Variants in TRAPPC3L observed in about 807,000 individuals in gnomAD.
The protein encoded by TRAPPC3L is trafficking protein particle complex subunit 3-like protein.
TRAPPC3L carries 23 observed loss-of-function variants against 23.7 expected under a neutral mutation model. The ratio of observed to expected loss-of-function variants is 0.97; its 90% CI spans 0.70 to 1.37. TRAPPC3L has a LOEUF of 1.37. Ranked by LOEUF, TRAPPC3L falls within the 40% of genes most tolerant of loss-of-function variation. TRAPPC3L has a pLI of 0.00. For missense variants in TRAPPC3L, 212 were observed against 216.8 expected, an observed-to-expected ratio of 0.98 and a Z score of 0.14; for synonymous variants, 81 against 77.9, an observed-to-expected ratio of 1.04 and a Z score of -0.21.
chr6:116,519,382 G>A (rs1234207321), intron 3 of TRAPPC3L: 1 of 152,212 alleles, frequency 6.6e-6, no homozygotes, highest in Admixed American at 6.5e-5. Context: ...AGTGTGCTCT[G>A]GGGCTTCCAT....
At chr6:116,510,470 T>C (rs1469057782) in intron 3 of TRAPPC3L, among the ~76,000 whole-genome samples, 1 of 151,790 alleles carries the variant, frequency 6.6e-6, no homozygotes, top group African/African-American at 2.4e-5. Flanking sequence ...TATTTTTTTG[T>C]AGAGAGGGAG....
chr6:116,503,975 GA>G (rs569464618), intron 3 of TRAPPC3L, among the ~76,000 whole-genome samples: 56 of 152,228 alleles, frequency 3.7e-4, no homozygotes, highest in African/African-American at 1.2e-3. Flanking sequence ...AGAGAAGCAA[GA>G]GCAAAGAAAC....
rs543320583 is a variant in TRAPPC3L, at chr6:116,495,332, A to C, written c.*1622T>G. The C allele has an allele frequency of 7.9e-5, 12 of 152,212 alleles. No individual in the cohort carries two copies. The highest frequency in any genetic ancestry group is 2.9e-4 in the African/African-American group (12 of 41,530). 9.4% of individuals were successfully genotyped at this position (152,212 alleles called of 1,614,324 possible). A position where few individuals can be genotyped will look rare whatever the true frequency, so the allele number is the denominator to read the frequency against. On this transcript the variant is annotated 3_prime_UTR_variant, in exon 5 of 5. Transcript: ENST00000368602. ...ACCTCTAGTTCCATCCATGTTTTGC[A>C]AATGACAGGATCTCATTCTTCTTTA...
At chr6:116,514,678 C>A (rs529774323) in intron 3 of TRAPPC3L, among the ~76,000 whole-genome samples, 10 of 152,250 alleles carry the variant, frequency 6.6e-5, no homozygotes, top group Non-Finnish European at 1.3e-4. Flanking sequence ...GAGGTTGAGA[C>A]CCTTCACAAA....
chr6:116,527,493 C>T (rs1384392009), intron 3 of TRAPPC3L, among the ~76,000 whole-genome samples: 1 of 128,884 alleles, frequency 7.8e-6, no homozygotes, highest in Non-Finnish European at 1.5e-5. Context: ...CAAGTCTGGG[C>T]GACAGAGCGA....
At chr6:116,536,927 G>A (rs368944886) in intron 3 of TRAPPC3L, among the ~76,000 whole-genome samples, 18 of 152,156 alleles carry the variant, frequency 1.2e-4, no homozygotes, top group African/African-American at 4.1e-4. Context: ...GCTGCCACAG[G>A]CCCGACGTTT....
chr6:116,497,222 T>C, intron 4 of TRAPPC3L, 149 bp from the exon 5 acceptor site: 1 of 940,732 alleles, frequency 1.1e-6, no homozygotes, highest in Non-Finnish European at 1.5e-6. Context: ...TTACTGAGTG[T>C]CCTCCGGAGA....
At chr6:116,524,389 T>C (rs755403768) in intron 3 of TRAPPC3L, 1 of 152,232 alleles carries the variant, frequency 6.6e-6, no homozygotes, top group African/African-American at 2.4e-5. Flanking sequence ...AGCTGGAGTT[T>C]ACCTTCTAGT....
At position 116,495,116 on chromosome 6, in the gene TRAPPC3L, T is replaced by C. The variant is rs1402621157; in HGVS notation, c.*1838A>G. The C allele has an allele frequency of 1.3e-5, 2 of 150,258 alleles. No homozygotes were observed. The highest frequency in any genetic ancestry group is 3.0e-5 in the Non-Finnish European group (2 of 67,614). 9.3% of individuals were successfully genotyped at this position (150,258 alleles called of 1,614,324 possible). ...CCATGCCCGACCCAGATCTTATTCA[T>C]TCTATCTAACTATATTTTTGTACCC... On this transcript the variant is annotated 3_prime_UTR_variant, in exon 5 of 5. Coordinates refer to ENST00000368602, the MANE Select transcript of TRAPPC3L (RefSeq NM_001139444.3).
chr6:116,516,138 C>A, intron 3 of TRAPPC3L: 1 of 1,065,460 alleles, frequency 9.4e-7, no homozygotes, highest in Non-Finnish European at 1.3e-6. Context: ...TGCTTTGAAG[C>A]TCTCAAGTGG....
chr6:116,496,678 T>C lies in TRAPPC3L; in HGVS notation c.*276A>G, dbSNP rs1205096273. 1.7e-5 allele frequency: 5 copies of C among 302,144 alleles called. No homozygotes were observed. The highest frequency in any genetic ancestry group is 1.1e-4 in the African/African-American group (5 of 45,040). 18.7% of individuals were successfully genotyped at this position (302,144 alleles called of 1,614,324 possible). ...ACGTGAATGGAATGAACAGCTTCTC[T>C]GAGGATGGATAGTGTAAGATGTGGA... On this transcript the variant is annotated 3_prime_UTR_variant, in exon 5 of 5. Coordinates refer to ENST00000368602, the MANE Select transcript of TRAPPC3L (RefSeq NM_001139444.3).
intron 3 of TRAPPC3L, among the ~76,000 whole-genome samples, chr6:116,535,448 C>T (rs1020056182): frequency 6.6e-6 from 1 of 152,180 alleles, no homozygotes; most frequent in Non-Finnish European, 1.5e-5. Flanking sequence ...TCAAGCCTAG[C>T]CTTTATAATC....
chr6:116,501,627 A>C (rs757460865), intron 3 of TRAPPC3L, among the ~76,000 whole-genome samples: 2 of 152,102 alleles, frequency 1.3e-5, no homozygotes, highest in Non-Finnish European at 2.9e-5. Context: ...GCTGACAGAC[A>C]CCTCATACAG....
intron 3 of TRAPPC3L, among the ~76,000 whole-genome samples, chr6:116,532,696 A>G (rs753702116): frequency 3.9e-4 from 59 of 152,246 alleles, no homozygotes; most frequent in Non-Finnish European, 1.3e-4. Flanking sequence ...AACTATGTAC[A>G]AAATAAGCTG....
chr6:116,527,928 G>A (rs1187435327), intron 3 of TRAPPC3L, among the ~76,000 whole-genome samples: 1 of 152,154 alleles, frequency 6.6e-6, no homozygotes, highest in African/African-American at 2.4e-5. Flanking sequence ...AAGCCTGCGC[G>A]TTCAGCACAT....
intron 2 of TRAPPC3L, among the ~76,000 whole-genome samples, chr6:116,542,776 A>C (rs1773541782): frequency 6.6e-6 from 1 of 152,114 alleles, no homozygotes; most frequent in Admixed American, 6.6e-5. Context: ...TGATTAAAAA[A>C]CATTCAAACA....
chr6:116,501,185 CCCTCCCGAGCCTGTGACTGG>C (rs1771907020), intron 3 of TRAPPC3L, among the ~76,000 whole-genome samples: 1 of 152,224 alleles, frequency 6.6e-6, no homozygotes. Flanking sequence ...ACAGGAGATT[CCCTCCCGAGCCTGTGACTGG>C]CTCAGCAGGT....
At chr6:116,534,851 T>G (rs944149088) in intron 3 of TRAPPC3L, among the ~76,000 whole-genome samples, 2 of 152,226 alleles carry the variant, frequency 1.3e-5, no homozygotes, top group Middle Eastern at 3.2e-3. Context: ...AGATGCTGAT[T>G]TTTTAAACCT....
In TRAPPC3L at chr6:116,495,058, A is replaced by G. The variant is rs1771814614; in HGVS notation, c.*1896T>C. 1 of 135,462 alleles carries G rather than the reference A, an allele frequency of 7.4e-6. No homozygotes were observed. Among genetic ancestry groups the G allele is most frequent in the African/African-American group, 2.8e-5 (1 of 35,412 alleles). 8.4% of individuals were successfully genotyped at this position (135,462 alleles called of 1,614,324 possible). A position where few individuals can be genotyped will look rare whatever the true frequency, so the allele number is the denominator to read the frequency against. On this transcript the variant is annotated 3_prime_UTR_variant, in exon 5 of 5. Transcript: ENST00000368602. ...GCTCAAGCAATCCTCCCACTTTGGCATCCCAAAGTGCAGAGATTACAGGCT... is the reference window on the plus strand; with the variant it reads ...GCTCAAGCAATCCTCCCACTTTGGCGTCCCAAAGTGCAGAGATTACAGGCT...
Sources: gnomAD v4.1 joint callset for allele counts (sites outside exome capture counted in the v4.1 genomes callset) on GRCh38, gnomAD v4.1.1 for gene constraint, MANE v1.5 for transcripts, NCBI Gene and HGNC (gene_info 2026-07-23, HGNC 2026-07-21) for gene names.